ERBB4: variants seen among roughly 807,000 people sequenced by gnomAD.
ERBB4 encodes the protein receptor tyrosine-protein kinase erbB-4.
ERBB4 carries 42 observed loss-of-function variants against 158.0 expected under a neutral mutation model. That is an observed-to-expected ratio of 0.27 (90% CI 0.21 to 0.34). The LOEUF (loss-of-function observed/expected upper bound fraction) is 0.34, where lower values mean the gene tolerates loss of function less well. Among genes scored for constraint, ERBB4 ranks in the 10% least tolerant of loss-of-function variants. ERBB4 has a pLI of 1.00. For missense variants in ERBB4, 1,333 were observed against 1,624.1 expected, an observed-to-expected ratio of 0.82 and a Z score of 3.08; for synonymous variants, 583 against 558.7, an observed-to-expected ratio of 1.04 and a Z score of -0.61.
chr2:211,974,266 T>C (rs1037144234), intron 2 of ERBB4, among the ~76,000 whole-genome samples: 15 of 152,168 alleles, frequency 9.9e-5, no homozygotes, highest in Non-Finnish European at 1.8e-4. Context: ...TGAGCTTTTA[T>C]TGTCAGTGTC....
chr2:211,384,581 T>C (rs2062645204), intron 27 of ERBB4, among the ~76,000 whole-genome samples: 1 of 152,156 alleles, frequency 6.6e-6, no homozygotes, highest in South Asian at 2.1e-4. Flanking sequence ...AACAAGGATT[T>C]AATTGGAGAT....
chr2:211,523,497 G>C (rs1434952726), intron 20 of ERBB4, among the ~76,000 whole-genome samples: 2 of 151,810 alleles, frequency 1.3e-5, no homozygotes, highest in South Asian at 2.1e-4. Flanking sequence ...TCTGGAGTTT[G>C]TTCCTTCTGA....
At chr2:212,158,766 G>A (rs751850231) in intron 1 of ERBB4, among the ~76,000 whole-genome samples, 2 of 152,002 alleles carry the variant, frequency 1.3e-5, no homozygotes, top group African/African-American at 2.4e-5. Flanking sequence ...CTGTCAATAT[G>A]AGATGAAGGA....
chr2:212,229,829 C>A (rs549876557), intron 1 of ERBB4, among the ~76,000 whole-genome samples: 1 of 152,078 alleles, frequency 6.6e-6, no homozygotes, highest in African/African-American at 2.4e-5. Context: ...GAATGGAAAA[C>A]GAGTCCCATT....
chr2:211,457,888 G>A (rs967432292), intron 20 of ERBB4, among the ~76,000 whole-genome samples: 1 of 152,144 alleles, frequency 6.6e-6, no homozygotes, highest in African/African-American at 2.4e-5. Context: ...TAGAGGAACC[G>A]CTGGTCCACT....
At chr2:211,548,089 G>A (rs61526284) in intron 20 of ERBB4, among the ~76,000 whole-genome samples, 2 of 151,936 alleles carry the variant, frequency 1.3e-5, no homozygotes, top group East Asian at 1.9e-4. Context: ...TCTATAAACC[G>A]CCTCAATAAA....
chr2:211,741,868 T>A (rs892929121), intron 5 of ERBB4, among the ~76,000 whole-genome samples: 2 of 152,232 alleles, frequency 1.3e-5, no homozygotes, highest in African/African-American at 4.8e-5. Flanking sequence ...TATCAACTTA[T>A]GTCAAAATGA....
At chr2:212,213,949 A>C (rs2083015659) in intron 1 of ERBB4, among the ~76,000 whole-genome samples, 1 of 151,806 alleles carries the variant, frequency 6.6e-6, no homozygotes, top group Non-Finnish European at 1.5e-5. Flanking sequence ...TTTGTTATAC[A>C]AAGTTGATTG....
At chr2:211,595,427 G>A (rs186253890) in intron 19 of ERBB4, among the ~76,000 whole-genome samples, 2 of 152,156 alleles carry the variant, frequency 1.3e-5, no homozygotes, top group East Asian at 3.9e-4. Context: ...AATATTAAAT[G>A]GAAATAGAAA....
chr2:211,605,414 G>GA (rs2125821935), intron 19 of ERBB4, among the ~76,000 whole-genome samples: 1 of 152,198 alleles, frequency 6.6e-6, no homozygotes, highest in Admixed American at 6.5e-5. Context: ...AACATATTAA[G>GA]AAAAAACAAG....
At chr2:211,689,515 A>G (rs2072712121) in intron 12 of ERBB4, among the ~76,000 whole-genome samples, 1 of 152,174 alleles carries the variant, frequency 6.6e-6, no homozygotes, top group African/African-American at 2.4e-5. Flanking sequence ...TAACCTTAAC[A>G]TAGGTCTTAT....
intron 3 of ERBB4, among the ~76,000 whole-genome samples, chr2:211,899,908 T>C (rs2079189664): frequency 2.0e-5 from 3 of 152,156 alleles, no homozygotes; most frequent in Admixed American, 2.0e-4. Flanking sequence ...AATTAATATC[T>C]AAAATTGGAA....
At chr2:212,395,663 A>C (rs1459552797) in intron 1 of ERBB4, among the ~76,000 whole-genome samples, 2 of 135,478 alleles carry the variant, frequency 1.5e-5, no homozygotes, top group African/African-American at 5.6e-5. Context: ...CTCTGTCACC[A>C]ATCTGGAGTG....
chr2:211,639,005 G>T (rs985511241), intron 16 of ERBB4, among the ~76,000 whole-genome samples: 1 of 151,994 alleles, frequency 6.6e-6, no homozygotes, highest in Non-Finnish European at 1.5e-5. Flanking sequence ...TCTACACCCA[G>T]GATTTTCTAC....
chr2:211,397,479 T>C (rs1026750924), intron 25 of ERBB4, among the ~76,000 whole-genome samples: 5 of 152,162 alleles, frequency 3.3e-5, no homozygotes, highest in African/African-American at 1.2e-4. Context: ...AAATCTGCCA[T>C]TGGTACCACA....
intron 20 of ERBB4, among the ~76,000 whole-genome samples, chr2:211,433,777 A>AT (rs977994355): frequency 2.6e-5 from 4 of 151,342 alleles, no homozygotes; most frequent in South Asian, 2.1e-4. Context: ...CATTTTTCAG[A>AT]TTTTTTTTTC....
chr2:211,932,593 A>G (rs1421962022), intron 3 of ERBB4, among the ~76,000 whole-genome samples: 1 of 151,958 alleles, frequency 6.6e-6, no homozygotes, highest in East Asian at 1.9e-4. Context: ...CCATCATTCT[A>G]TGTTTATCTA....
Position 211,630,503 on chromosome 2 carries a change from T to C in ERBB4, c.2038A>G (p.Ile680Val). ...TFAVYVRRKS[I>V]KKKRALRRFL... ...CTTCTCAAGGCTCTTTTCTTTTTGA[T>C]GCTCTTCCTTCTAACATAAACAGCA... The change falls in exon 17 of 28, where the codon ATC (isoleucine) becomes GTC (valine). Residue 680 changes from isoleucine to valine, a missense_variant. By Grantham distance (29) the Ile-to-Val change is conservative. This residue lies in a region of ERBB4 where 314 missense variants were observed against 437.6 expected (regional missense o/e 0.72). Coordinates refer to ENST00000342788, the MANE Select transcript of ERBB4 (RefSeq NM_005235.3). The C allele has an allele frequency of 6.2e-7, 1 of 1,613,530 alleles. No individual in the cohort carries two copies. Among genetic ancestry groups the C allele is most frequent in the Non-Finnish European group, 8.5e-7 (1 of 1,179,542 alleles).
chr2:212,336,490 G>A (rs2088446969), intron 1 of ERBB4, among the ~76,000 whole-genome samples: 1 of 152,026 alleles, frequency 6.6e-6, no homozygotes, highest in South Asian at 2.1e-4. Context: ...AACCAATACT[G>A]GTTTGTAGGT....
Sources: allele counts gnomAD v4.1 joint callset (sites outside exome capture counted in the v4.1 genomes callset), GRCh38; gene constraint gnomAD v4.1.1; regional missense constraint gnomAD v4.1.1; transcripts MANE v1.5; gene names NCBI Gene and HGNC (gene_info 2026-07-23, HGNC 2026-07-21).